Variants in EXD3 observed in about 807,000 individuals in gnomAD.
EXD3 encodes the protein exonuclease mut-7 homolog.
Under a neutral mutation model 98.0 loss-of-function variants are expected in EXD3, and 92 were observed. The observed-to-expected ratio is 0.94, with a 90% confidence interval of 0.79 to 1.12. The LOEUF is 1.12. EXD3 is among the 50% of genes most tolerant of loss of function. The pLI, the probability that EXD3 is intolerant of heterozygous loss-of-function variation, is 0.00. For missense variants in EXD3, 1,222 were observed against 1,191.6 expected (o/e 1.03, Z -0.38); for synonymous variants, 569 against 526.0 (o/e 1.08, Z -1.12).
At chr9:137,322,833 C>G (rs1588243851) in intron 19 of EXD3, among the ~76,000 whole-genome samples, 1 of 22,188 alleles carries the variant, frequency 4.5e-5, no homozygotes. Flanking sequence ...ACACCCCACC[C>G]CGGACCCACG....
chr9:137,360,751 G>A lies in EXD3; in HGVS notation c.657-4383C>T, dbSNP rs1465742268. On this transcript the variant is annotated intron_variant, in intron 7 of 21. Transcript: ENST00000340951. Reference sequence around the variant, plus strand: ...GCTGGGAATACAGGTGTGAGCCACCGCACCCAGCCTTTATTCTTAGTGATT... The same window carrying A: ...GCTGGGAATACAGGTGTGAGCCACCACACCCAGCCTTTATTCTTAGTGATT... Among the ~76,000 whole-genome samples, 2 of 85,458 alleles carry A rather than the reference G, an allele frequency of 2.3e-5. 1 individual carries two copies. Among genetic ancestry groups the A allele is most frequent in the Non-Finnish European group, 5.7e-5 (2 of 34,982 alleles). 56.1% of individuals were successfully genotyped at this position (85,458 alleles called of 152,430 possible).
chr9:137,375,642 T>C (rs972413823), intron 3 of EXD3, among the ~76,000 whole-genome samples: 17 of 152,022 alleles, frequency 1.1e-4, no homozygotes, highest in African/African-American at 3.6e-4. Flanking sequence ...GAGTTCTAGC[T>C]CTAGTGAGTT....
intron 13 of EXD3, 32 bp downstream of exon 13, chr9:137,351,286 G>C (rs1834287815): frequency 4.4e-6 from 7 of 1,589,976 alleles, no homozygotes; most frequent in Non-Finnish European, 6.0e-6. Flanking sequence ...TTTCTTTCTG[G>C]ACTGGGCAGG....
intron 2 of EXD3, among the ~76,000 whole-genome samples, chr9:137,387,555 A>G (rs1836667041): frequency 6.6e-6 from 1 of 151,948 alleles, no homozygotes; most frequent in Non-Finnish European, 1.5e-5. Flanking sequence ...GAAGAAGACA[A>G]GCGAGCTCTG....
At chr9:137,378,934 G>C in intron 3 of EXD3, among the ~76,000 whole-genome samples, 1 of 148,260 alleles carries the variant, frequency 6.7e-6, no homozygotes, top group Non-Finnish European at 1.5e-5. Flanking sequence ...CTGTGTGAGG[G>C]GTACGGGGTT....
intron 1 of EXD3, among the ~76,000 whole-genome samples, chr9:137,416,287 T>C (rs893089251): frequency 6.6e-6 from 1 of 152,124 alleles, no homozygotes; most frequent in Non-Finnish European, 1.5e-5. Flanking sequence ...CAGCCCGAGG[T>C]TCCCAGAGTG....
At chr9:137,390,906 G>A (rs866312705) in intron 2 of EXD3, among the ~76,000 whole-genome samples, 3 of 152,374 alleles carry the variant, frequency 2.0e-5, no homozygotes, top group Non-Finnish European at 2.9e-5. Context: ...GGCAGGGGGT[G>A]AGGACACAGT....
At chr9:137,366,337 T>A in intron 7 of EXD3, 156 bp downstream of exon 7, 1 of 1,084,750 alleles carries the variant, frequency 9.2e-7, no homozygotes, top group Non-Finnish European at 1.4e-6. Flanking sequence ...CAGAGGCAGC[T>A]GCTCCAGCTG....
rs751730139 is a variant in EXD3, at chr9:137,390,431, C to CA, written c.55+4871_55+4872insT. Among the ~76,000 whole-genome samples the CA allele has an allele frequency of 4.6e-4, 50 of 109,836 alleles. 1 individual carries two copies. Among genetic ancestry groups the CA allele is most frequent in the East Asian group, 1.4e-3 (6 of 4,140 alleles). The allele number at this position is 109,836 out of a possible 152,430, so 72.1% of individuals were successfully genotyped here. A position where few individuals can be genotyped will look rare whatever the true frequency, so the allele number is the denominator to read the frequency against. ...TGGGCGACAGAGCAAGATTCTGTTG[C>CA]CAAAAAAAAAAAAAAGTAAATAAAT... On this transcript the variant is annotated intron_variant, in intron 2 of 21. Coordinates refer to ENST00000340951, the MANE Select transcript of EXD3 (RefSeq NM_017820.5).
chr9:137,355,476 G>A (rs200368540), intron 8 of EXD3, among the ~76,000 whole-genome samples: 1,513 of 71,972 alleles, frequency 0.021, 22 homozygotes, highest in African/African-American at 0.034. Flanking sequence ...GAGGAAGGAG[G>A]AAGGAGGAAG....
chr9:137,420,092 G>A lies in EXD3; in HGVS notation c.-48+3022C>T, dbSNP rs910417353. Among the ~76,000 whole-genome samples, 9 of 151,988 alleles carry A rather than the reference G, an allele frequency of 5.9e-5. No individual in the cohort carries two copies. In the East Asian group the frequency reaches 9.6e-4, roughly 16 times the overall value. ...GGTGAATGGCGTGAACCCGGGAGGC[G>A]GAGCTGGCAGTGAGCCGAGATTGTA... On this transcript the variant is annotated intron_variant, in intron 1 of 21. Coordinates refer to ENST00000340951, the MANE Select transcript of EXD3 (RefSeq NM_017820.5).
Position 137,354,709 on chromosome 9 carries a change from C to G in EXD3, c.822G>C (p.Arg274=). 1.2e-6 allele frequency: 2 copies of G among 1,610,950 alleles called. No individual in the cohort carries two copies. The highest frequency in any genetic ancestry group is 1.7e-6 in the Non-Finnish European group (2 of 1,179,692). ...CCTCCTGCTCACGAACCTCCACAAA[C>G]CGCTTGTGGCACAGGTGCCGCAGGG... ...LAALRHLCHK[R]FVEKSLSQEN... The change falls in exon 9 of 22, where the codon CGG becomes CGC. Residue 274 remains arginine (R), a synonymous_variant. Transcript: ENST00000340951.
chr9:137,330,057 C>T lies in EXD3; in HGVS notation c.1999-5914G>A, dbSNP rs1217481476. Among the ~76,000 whole-genome samples, 34 of 140,210 alleles carry T rather than the reference C, an allele frequency of 2.4e-4. 5 individuals carry two copies. Among genetic ancestry groups the T allele is most frequent in the Non-Finnish European group, 1.1e-4 (7 of 66,196 alleles). The allele number at this position is 140,210 out of a possible 152,430, so 92.0% of individuals were successfully genotyped here. On this transcript the variant is annotated intron_variant, in intron 17 of 21. Transcript: ENST00000340951. ...ACTACACCGGAGCTACACGGGACTA[C>T]ACAGGAGCTACACAGGAACTACACA... is the stretch of plus-strand genomic sequence containing the variant.
At chr9:137,346,697 A>G (rs188434097) in intron 17 of EXD3, among the ~76,000 whole-genome samples, 1 of 148,178 alleles carries the variant, frequency 6.7e-6, no homozygotes, top group Non-Finnish European at 1.5e-5. Context: ...TAGGCTTTTC[A>G]TGTTGTGATC....
At position 137,324,495 on chromosome 9, in the gene EXD3, C is replaced by T. The variant is rs189418707; in HGVS notation, c.1999-352G>A. Among the ~76,000 whole-genome samples, 204 of 152,184 alleles carry T rather than the reference C, an allele frequency of 1.3e-3. 1 individual carries two copies. Among genetic ancestry groups the T allele is most frequent in the Non-Finnish European group, 3.4e-4 (23 of 68,000 alleles). ...CTGTAGAGATTTGAAAACACAGTAA[C>T]TTGCCCCTAGCTCATAGGGAGCCAA... On this transcript the variant is annotated intron_variant, in intron 17 of 21. Transcript: ENST00000340951. The surrounding 1 kb of genome is among the most constrained non-coding windows in gnomAD (Gnocchi z 4.1).
At chr9:137,401,672 C>T (rs1008371921) in intron 1 of EXD3, among the ~76,000 whole-genome samples, 16 of 152,312 alleles carry the variant, frequency 1.1e-4, no homozygotes, top group Admixed American at 2.6e-4. Context: ...AGCCACAGCC[C>T]GAGCTCTATG....
Position 137,373,041 on chromosome 9 carries a change from C to A in EXD3, c.326G>T (p.Arg109Leu). ...HSLRLKQLQA[R>L]AVKVLTESPP... The stretch of plus-strand genomic sequence containing the variant: ...GCTCTCAGTGAGGACTTTGACCGCT[C>A]GGGCCTGCAGCTGCTTCAGCCTCAG... The change falls in exon 5 of 22, where the codon CGA becomes CTA. Residue 109 changes from arginine to leucine, a missense_variant. Arg to Leu is a moderately radical substitution (Grantham distance 102). Coordinates refer to ENST00000340951, the MANE Select transcript of EXD3 (RefSeq NM_017820.5). 1 of 1,597,504 alleles carries A rather than the reference C, an allele frequency of 6.3e-7. No individual in the cohort carries two copies. The highest frequency in any genetic ancestry group is 8.5e-7 in the Non-Finnish European group (1 of 1,174,710).
In EXD3 at chr9:137,366,640, G is replaced by A; in HGVS notation, c.517-8C>T. The A allele has an allele frequency of 1.3e-6, 2 of 1,556,834 alleles. No homozygotes were observed. The highest frequency in any genetic ancestry group is 8.7e-7 in the Non-Finnish European group (1 of 1,151,406). ...GAGCAGTGGGATGCTCATCTGCAGG[G>A]GGACACACGGTCAGGCCACAGCCTC... is the stretch of plus-strand genomic sequence containing the variant. On this transcript the variant is annotated splice_polypyrimidine_tract_variant and splice_region_variant and intron_variant, in intron 6 of 21. Transcript: ENST00000340951.
rs952628458 is a variant in EXD3, at chr9:137,403,897, C to T, written c.-47-8493G>A. ...GATGGGTCCCGAGGCGGGGCAGTCA[C>T]ACCCCCACGCCATCTCTGCATAGAC... is the stretch of plus-strand genomic sequence containing the variant. On this transcript the variant is annotated intron_variant, in intron 1 of 21. Coordinates refer to ENST00000340951, the MANE Select transcript of EXD3 (RefSeq NM_017820.5). This position sits in a 1 kb window ranked among gnomAD's most constrained non-coding sequence, Gnocchi z 6.1. 6.6e-6 allele frequency among the ~76,000 whole-genome samples: 1 copy of T among 152,228 alleles called. No individual in the cohort carries two copies. Among genetic ancestry groups the T allele is most frequent in the Non-Finnish European group, 1.5e-5 (1 of 68,040 alleles).
Sources: gnomAD v4.1 joint callset for allele counts (sites outside exome capture counted in the v4.1 genomes callset) on GRCh38, gnomAD v4.1.1 for gene constraint, Gnocchi (gnomAD v3.1) non-coding constraint, MANE v1.5 for transcripts, NCBI Gene and HGNC (gene_info 2026-07-23, HGNC 2026-07-21) for gene names.